Variants in PAPPA2 observed in about 807,000 individuals in gnomAD.
The protein encoded by PAPPA2 is pappalysin 2.
PAPPA2 carries 86 observed loss-of-function variants against 176.4 expected under a neutral mutation model. That is an observed-to-expected ratio of 0.49 (90% CI 0.41 to 0.58). PAPPA2 has a LOEUF of 0.58. Ranked by LOEUF, PAPPA2 falls within the 20% of genes least tolerant of loss-of-function variation. PAPPA2 has a pLI of 0.00. For synonymous variants in PAPPA2, 809 were observed against 852.2 expected, an observed-to-expected ratio of 0.95 and a Z score of 0.88; for missense variants, 2,073 against 2,256.9, an observed-to-expected ratio of 0.92 and a Z score of 1.65.
At chr1:176,531,438 T>C (rs1649801847) in intron 1 of PAPPA2, among the ~76,000 whole-genome samples, 1 of 152,228 alleles carries the variant, frequency 6.6e-6, no homozygotes, top group African/African-American at 2.4e-5. Context: ...ATCCTGGAAT[T>C]ATATTCTGAG....
intron 2 of PAPPA2, among the ~76,000 whole-genome samples, chr1:176,564,800 A>T (rs1224965845): frequency 6.6e-6 from 1 of 151,658 alleles, no homozygotes; most frequent in Non-Finnish European, 1.5e-5. Flanking sequence ...GTGTACAAAT[A>T]ACGTCTTTAG....
At chr1:176,723,462 A>G (rs1661718214) in intron 12 of PAPPA2, among the ~76,000 whole-genome samples, 1 of 126,228 alleles carries the variant, frequency 7.9e-6, no homozygotes, top group African/African-American at 3.0e-5. Flanking sequence ...AGTGATTTTT[A>G]AAGATAAGGT....
Position 176,474,536 on chromosome 1 carries a change from TG to T in PAPPA2, c.-917+11119del, listed in dbSNP as rs527333278. 5.5e-3 allele frequency among the ~76,000 whole-genome samples: 834 copies of T among 152,298 alleles called. 3 individuals carry two copies. The highest frequency in any genetic ancestry group is 6.8e-3 in the Middle Eastern group (2 of 292). On this transcript the variant is annotated intron_variant, in intron 1 of 22. Transcript: ENST00000367662. ...TTGGGCACAATGGTGGTGATGGCAG[TG>T]CCCACTTGGAGACTACAGAGTCCAG...
intron 4 of PAPPA2, among the ~76,000 whole-genome samples, chr1:176,672,888 T>A (rs1189174888): frequency 6.6e-6 from 1 of 152,166 alleles, no homozygotes; most frequent in African/African-American, 2.4e-5. Flanking sequence ...AAATTTGTGA[T>A]GTTAGTGGTG....
intron 2 of PAPPA2, among the ~76,000 whole-genome samples, chr1:176,580,653 T>G (rs1652910133): frequency 6.7e-6 from 1 of 150,016 alleles, no homozygotes; most frequent in South Asian, 2.1e-4. Flanking sequence ...TTTTTTTTTG[T>G]CTTTTTAGTA....
chr1:176,562,359 G>A (rs1223394903), intron 2 of PAPPA2, among the ~76,000 whole-genome samples: 2 of 152,152 alleles, frequency 1.3e-5, no homozygotes, highest in Non-Finnish European at 2.9e-5. Context: ...GCAGATTCAC[G>A]TAGATGTGAA....
chr1:176,713,252 C>T (rs1056220762), intron 12 of PAPPA2, among the ~76,000 whole-genome samples: 2 of 151,664 alleles, frequency 1.3e-5, no homozygotes, highest in Non-Finnish European at 2.9e-5. Flanking sequence ...AACTCCTGGG[C>T]TCAAGAGATC....
intron 12 of PAPPA2, among the ~76,000 whole-genome samples, chr1:176,718,493 C>T (rs1050908119): frequency 7.7e-6 from 1 of 130,030 alleles, no homozygotes; most frequent in Non-Finnish European, 1.8e-5. Flanking sequence ...GCTTTTTGTC[C>T]TCTCTGTTTT....
At chr1:176,566,002 A>G (rs11806613) in intron 2 of PAPPA2, among the ~76,000 whole-genome samples, 21,529 of 152,180 alleles carry the variant, frequency 0.14, 1,586 homozygotes, top group Middle Eastern at 0.2. Context: ...TGAACCCTCA[A>G]TGATAGGCAT....
chr1:176,657,056 C>T (rs896413861), intron 3 of PAPPA2, among the ~76,000 whole-genome samples: 3 of 152,000 alleles, frequency 2.0e-5, no homozygotes, highest in Admixed American at 1.3e-4. Flanking sequence ...CATTCCTACT[C>T]CCACAGTCTG....
At position 176,712,029 on chromosome 1, in the gene PAPPA2, A is replaced by ATGTG. The variant is rs66731142; in HGVS notation, c.3798+74_3798+77dup. 1,791 of 1,425,772 alleles carry ATGTG rather than the reference A, an allele frequency of 1.3e-3. 2 individuals are homozygous for ATGTG. The highest frequency in any genetic ancestry group is 8.9e-3 in the African/African-American group (607 of 68,490). The allele number at this position is 1,425,772 out of a possible 1,614,324, so 88.3% of individuals were successfully genotyped here. On this transcript the variant is annotated intron_variant, in intron 12 of 22. Transcript: ENST00000367662. ...TTGTGCATGTGAAAGGTGTAAGCAT[A>ATGTG]TGTGTGTGTGTGTGTGTGTGTGTGT... is the stretch of plus-strand genomic sequence containing the variant.
intron 1 of PAPPA2, among the ~76,000 whole-genome samples, chr1:176,550,284 G>T (rs1207212404): frequency 1.3e-5 from 2 of 152,216 alleles, no homozygotes; most frequent in African/African-American, 2.4e-5. Context: ...TAGAAAGAAA[G>T]AATGCATACA....
At chr1:176,764,635 C>T (rs1043749960) in intron 14 of PAPPA2, among the ~76,000 whole-genome samples, 2 of 147,070 alleles carry the variant, frequency 1.4e-5, no homozygotes, top group Non-Finnish European at 3.0e-5. Flanking sequence ...CTCGCTCTGT[C>T]GCTCAGGCTG....
At chr1:176,642,650 G>A (rs930793553) in intron 3 of PAPPA2, among the ~76,000 whole-genome samples, 6 of 151,932 alleles carry the variant, frequency 3.9e-5, no homozygotes, top group Admixed American at 2.0e-4. Flanking sequence ...GAGATAATGA[G>A]CCCATGATAT....
Position 176,695,057 on chromosome 1 carries a change from G to A in PAPPA2, c.2625-681G>A, listed in dbSNP as rs762993976. Among the ~76,000 whole-genome samples, 12 of 152,296 alleles carry A rather than the reference G, an allele frequency of 7.9e-5. No homozygotes were observed. In the South Asian group the frequency reaches 2.5e-3, roughly 32 times the overall value. Reference sequence around the variant, plus strand: ...TTTGCTAAACAGAGAAGCTTGGAAAGGCTGTTTGGCAGCAGAGAGAACAGC... The same window carrying A: ...TTTGCTAAACAGAGAAGCTTGGAAAAGCTGTTTGGCAGCAGAGAGAACAGC... On this transcript the variant is annotated intron_variant, in intron 6 of 22. Coordinates refer to ENST00000367662, the MANE Select transcript of PAPPA2 (RefSeq NM_020318.3).
In PAPPA2 at chr1:176,582,404, GA is replaced by G. The variant is rs558310149; in HGVS notation, c.920-12116del. Among the ~76,000 whole-genome samples, 16 of 152,228 alleles carry G rather than the reference GA, an allele frequency of 1.1e-4. No individual in the cohort carries two copies. The East Asian group carries it at 1.7e-3, about 17-fold the overall frequency. On this transcript the variant is annotated intron_variant, in intron 2 of 22. Coordinates refer to ENST00000367662, the MANE Select transcript of PAPPA2 (RefSeq NM_020318.3). ...TCCTTGTCTTTTTCCAGTTCTTAGA[GA>G]AAACGCTTTTTGCTTTTCCCTGTTC...
chr1:176,690,829 G>A (rs1268621788), intron 5 of PAPPA2: 5 of 1,003,098 alleles, frequency 5.0e-6, no homozygotes, highest in Non-Finnish European at 5.9e-6. Context: ...TATGGGTCAA[G>A]GTGGCCCATT....
chr1:176,691,621 T>C (rs888236497), intron 5 of PAPPA2, among the ~76,000 whole-genome samples: 2 of 152,236 alleles, frequency 1.3e-5, no homozygotes, highest in Non-Finnish European at 2.9e-5. Context: ...AAAATGTACC[T>C]GCTAAAGAGA....
chr1:176,710,145 T>A lies in PAPPA2; in HGVS notation c.3620T>A (p.Val1207Asp). The A allele has an allele frequency of 6.2e-7, 1 of 1,613,682 alleles. No homozygotes were observed. Among genetic ancestry groups the A allele is most frequent in the Non-Finnish European group, 8.5e-7 (1 of 1,179,718 alleles). ...SSHEDKKKCP[V>D]SLVTGEPHSL... Reference sequence around the variant, plus strand: ...CATGAAGACAAGAAGAAGTGTCCTGTTTCCTTGGTAACTGGAGAACCTCAT... The same window carrying A: ...CATGAAGACAAGAAGAAGTGTCCTGATTCCTTGGTAACTGGAGAACCTCAT... Residue 1207 changes from valine to aspartate, a missense_variant, in exon 11 of 23, where the codon GTT (valine) becomes GAT (aspartate). Physicochemically the swap from Val to Asp is radical, Grantham distance 152 (BLOSUM62 -3). Around this residue, in one of 4 missense-constraint regions of PAPPA2, gnomAD observed 846 missense variants for 857.9 expected, o/e 0.99. Transcript: ENST00000367662.
Sources: gnomAD v4.1 joint callset for allele counts (sites outside exome capture counted in the v4.1 genomes callset) on GRCh38, gnomAD v4.1.1 for gene constraint, gnomAD v4.1.1 regional missense constraint, MANE v1.5 for transcripts, NCBI Gene and HGNC (gene_info 2026-07-23, HGNC 2026-07-21) for gene names.